Variants in RBM15B observed in about 807,000 individuals in gnomAD.
RBM15B encodes RNA binding motif protein 15B.
Under a neutral mutation model 53.3 loss-of-function variants are expected in RBM15B, and 11 were observed. The observed-to-expected ratio is 0.21, with a 90% CI of 0.13 to 0.34. The LOEUF (loss-of-function observed/expected upper bound fraction) is 0.34, where lower values mean the gene tolerates loss of function less well. RBM15B is among the 10% of genes least tolerant of loss of function. RBM15B has a pLI of 1.00. For missense variants in RBM15B, 1,136 were observed against 1,250.3 expected, an observed-to-expected ratio of 0.91 and a Z score of 1.38; for synonymous variants, 631 against 540.7, an observed-to-expected ratio of 1.17 and a Z score of -2.32.
In RBM15B at chr3:51,392,431, G is replaced by A. The variant is rs782199880; in HGVS notation, c.1032G>A (p.Leu344=). 1 of 1,613,956 alleles carries A rather than the reference G, an allele frequency of 6.2e-7. No individual in the cohort carries two copies. Among genetic ancestry groups the A allele is most frequent in the African/African-American group, 1.3e-5 (1 of 74,952 alleles). The change falls in exon 1 of 1, where the codon CTG becomes CTA. Residue 344 remains leucine (L), a synonymous_variant. Transcript: ENST00000563281. The surrounding 1 kb of genome is among the most constrained non-coding windows in gnomAD (Gnocchi z 7.5). Reference sequence around the variant, plus strand: ...CGCGCAACCTCTTCATTGGTAACCTGGACCACAGCGTATCTGAGGTGGAGC... The same window carrying A: ...CGCGCAACCTCTTCATTGGTAACCTAGACCACAGCGTATCTGAGGTGGAGC... ...RATRNLFIGN[L]DHSVSEVELR...
At position 51,395,734 on chromosome 3, in the gene RBM15B, A is replaced by G. The variant is rs2089158307; in HGVS notation, c.*1662A>G. 1 of 413,312 alleles carries G rather than the reference A, an allele frequency of 2.4e-6. No homozygotes were observed. Among genetic ancestry groups the G allele is most frequent in the Admixed American group, 4.4e-5 (1 of 22,728 alleles). The allele number at this position is 413,312 out of a possible 1,614,324, so 25.6% of individuals were successfully genotyped here. ...CACCTGAGATTAGAGGCTGGGGCTC[A>G]CTGCAGGCTGTGGAGAGGTCATGCT... On this transcript the variant is annotated 3_prime_UTR_variant, in exon 1 of 1. Coordinates refer to ENST00000563281, the MANE Select transcript of RBM15B (RefSeq NM_013286.5).
At position 51,396,244 on chromosome 3, in the gene RBM15B, A is replaced by AAGAC. The variant is rs2089194752; in HGVS notation, c.*2174_*2177dup. 3 of 263,370 alleles carry AAGAC rather than the reference A, an allele frequency of 1.1e-5. 1 individual carries two copies. The South Asian group carries it at 5.2e-4, about 46-fold the overall frequency. 16.3% of individuals were successfully genotyped at this position (263,370 alleles called of 1,614,324 possible). ...AACATGCTAGAAAACGTGCCTAGAG[A>AAGAC]AGACACTTCAACCTTTGCCTTATCC... On this transcript the variant is annotated 3_prime_UTR_variant, in exon 1 of 1. Transcript: ENST00000563281.
In RBM15B at chr3:51,392,027, C is replaced by A; in HGVS notation, c.628C>A (p.Arg210Ser). 1 of 1,597,630 alleles carries A rather than the reference C, an allele frequency of 6.3e-7. No individual in the cohort carries two copies. The highest frequency in any genetic ancestry group is 8.5e-7 in the Non-Finnish European group (1 of 1,178,318). ...GGCCCGGCAGCTGCTGCTCTACGAC[C>A]GCCCGCTCAAGGTAGAGCCCGTGTA... ...ALARQLLLYDRPLKVEPVYLR... is the reference protein window; with the variant it reads ...ALARQLLLYDSPLKVEPVYLR... The change falls in exon 1 of 1, where the codon CGC (arginine) becomes AGC (serine). Residue 210 changes from arginine to serine, a missense_variant. By Grantham distance (110) the Arg-to-Ser change is moderately radical (BLOSUM62 -1). Transcript: ENST00000563281. This position sits in a 1 kb window ranked among gnomAD's most constrained non-coding sequence, Gnocchi z 7.5.
In RBM15B at chr3:51,394,864, A is replaced by C. The variant is rs529117279; in HGVS notation, c.*792A>C. On this transcript the variant is annotated 3_prime_UTR_variant, in exon 1 of 1. Coordinates refer to ENST00000563281, the MANE Select transcript of RBM15B (RefSeq NM_013286.5). ...ATGCCAGGGGGTCTCGGGGCCCCTG[A>C]TCTGTCCAGGCTCCTGGTTCGGCCT... The C allele has an allele frequency of 3.0e-5, 5 of 167,084 alleles. No homozygotes were observed. The highest frequency in any genetic ancestry group is 5.9e-5 in the Non-Finnish European group (4 of 68,156). 10.4% of individuals were successfully genotyped at this position (167,084 alleles called of 1,614,324 possible). A position where few individuals can be genotyped will look rare whatever the true frequency, so the allele number is the denominator to read the frequency against.
At position 51,393,503 on chromosome 3, in the gene RBM15B, A is replaced by C. The variant is rs1357348798; in HGVS notation, c.2104A>C (p.Lys702Gln). 4 of 1,614,154 alleles carry C rather than the reference A, an allele frequency of 2.5e-6. No individual in the cohort carries two copies. Among genetic ancestry groups the C allele is most frequent in the Non-Finnish European group, 3.4e-6 (4 of 1,180,020 alleles). Residue 702 changes from lysine to glutamine, a missense_variant, in exon 1 of 1, where the codon AAA becomes CAA. By Grantham distance (53) the Lys-to-Gln change is moderately conservative. Transcript: ENST00000563281. The surrounding 1 kb of genome is among the most constrained non-coding windows in gnomAD (Gnocchi z 5.6). ...CGAGCCCAAGCCTCTGGAAGAGCCA[A>C]AACACGAGACCAAAAAGCTGAAGAA... Reference protein sequence around the residue: ...EAEPKPLEEPKHETKKLKNLS... With the variant: ...EAEPKPLEEPQHETKKLKNLS...
rs782600946 is a variant in RBM15B at position 51,392,808 on chromosome 3, G to A, written c.1409G>A (p.Cys470Tyr). 1.2e-6 allele frequency: 2 copies of A among 1,614,092 alleles called. No individual in the cohort carries two copies. Among genetic ancestry groups the A allele is most frequent in the East Asian group, 2.2e-5 (1 of 44,886 alleles). ...AGCTTGGACGCAGCCCAGGCCGCCTGTGCTAAAATGAGGGGTTTTCCCTTG... is the reference window on the plus strand; with the variant it reads ...AGCTTGGACGCAGCCCAGGCCGCCTATGCTAAAATGAGGGGTTTTCCCTTG... The part of the protein sequence containing the change: ...YESLDAAQAA[C>Y]AKMRGFPLGG... Residue 470 changes from cysteine (C) to tyrosine (Y), a missense_variant, in exon 1 of 1, where the codon TGT (cysteine) becomes TAT (tyrosine). Cys to Tyr is a radical substitution (Grantham distance 194, BLOSUM62 -2). Around this residue, in one of 7 missense-constraint regions of RBM15B, gnomAD observed 578 missense variants for 581.6 expected, o/e 0.99. Coordinates refer to ENST00000563281, the MANE Select transcript of RBM15B (RefSeq NM_013286.5). The surrounding 1 kb of genome is among the most constrained non-coding windows in gnomAD (Gnocchi z 7.5).
At position 51,395,170 on chromosome 3, in the gene RBM15B, A is replaced by AG. The variant is rs1457553158; in HGVS notation, c.*1102dup. On this transcript the variant is annotated 3_prime_UTR_variant, in exon 1 of 1. Transcript: ENST00000563281. ...TACTTACCGGGGAGCACAGTGGACTAGGGGATGCCCTTGATAATGACGGTT... is the reference window on the plus strand; with the variant it reads ...TACTTACCGGGGAGCACAGTGGACTAGGGGGATGCCCTTGATAATGACGGTT... 6.0e-6 allele frequency: 1 copy of AG among 167,254 alleles called. No homozygotes were observed. Among genetic ancestry groups the AG allele is most frequent in the Non-Finnish European group, 1.5e-5 (1 of 68,264 alleles). 10.4% of individuals were successfully genotyped at this position (167,254 alleles called of 1,614,324 possible).
At position 51,392,017 on chromosome 3, in the gene RBM15B, G is replaced by T; in HGVS notation, c.618G>T (p.Leu206=). The T allele has an allele frequency of 6.3e-7, 1 of 1,598,130 alleles. No homozygotes were observed. Among genetic ancestry groups the T allele is most frequent in the African/African-American group, 1.3e-5 (1 of 74,356 alleles). ...AGCACGCCCTGGCCCGGCAGCTGCT[G>T]CTCTACGACCGCCCGCTCAAGGTAG... is the stretch of plus-strand genomic sequence containing the variant. ...ARQHALARQL[L]LYDRPLKVEP... Residue 206 remains leucine (L), a synonymous_variant, in exon 1 of 1, where the codon CTG becomes CTT. Coordinates refer to ENST00000563281, the MANE Select transcript of RBM15B (RefSeq NM_013286.5). The surrounding 1 kb of genome is among the most constrained non-coding windows in gnomAD (Gnocchi z 7.5).
In RBM15B at chr3:51,391,325, C is replaced by T. The variant is rs2089032400; in HGVS notation, c.-75C>T. 3.5e-6 allele frequency: 4 copies of T among 1,141,978 alleles called. No individual in the cohort carries two copies. Among genetic ancestry groups the T allele is most frequent in the East Asian group, 4.0e-5 (1 of 24,912 alleles). 70.7% of individuals were successfully genotyped at this position (1,141,978 alleles called of 1,614,324 possible). On this transcript the variant is annotated 5_prime_UTR_variant, in exon 1 of 1. Coordinates refer to ENST00000563281, the MANE Select transcript of RBM15B (RefSeq NM_013286.5). The surrounding 1 kb of genome is among the most constrained non-coding windows in gnomAD (Gnocchi z 4.5). ...GTCCAAGATGGCGGCGCCGGGGGCGCTGCCTCCTCGGCCGCCGCCTCCGCC... is the reference window on the plus strand; with the variant it reads ...GTCCAAGATGGCGGCGCCGGGGGCGTTGCCTCCTCGGCCGCCGCCTCCGCC...
At position 51,391,502 on chromosome 3, in the gene RBM15B, C is replaced by A; in HGVS notation, c.103C>A (p.Arg35=). ...EREREAEAGG[R]RAAHKASGGA... is the part of the protein sequence containing the mutation. ...CGAACGGGAGGCGGAGGCGGGCGGGCGGCGGGCGGCGCACAAGGCCTCTGG... is the reference window on the plus strand; with the variant it reads ...CGAACGGGAGGCGGAGGCGGGCGGGAGGCGGGCGGCGCACAAGGCCTCTGG... Residue 35 remains arginine, a synonymous_variant, in exon 1 of 1, where the codon CGG becomes AGG. Transcript: ENST00000563281. The surrounding 1 kb of genome is among the most constrained non-coding windows in gnomAD (Gnocchi z 4.5). 8.3e-7 allele frequency: 1 copy of A among 1,207,396 alleles called. No individual in the cohort carries two copies. The highest frequency in any genetic ancestry group is 1.0e-6 in the Non-Finnish European group (1 of 973,164). 74.8% of individuals were successfully genotyped at this position (1,207,396 alleles called of 1,614,324 possible). A position where few individuals can be genotyped will look rare whatever the true frequency, so the allele number is the denominator to read the frequency against.
rs192010727 is a variant in RBM15B, at chr3:51,395,758, C to G, written c.*1686C>G. 816 of 413,464 alleles carry G rather than the reference C, an allele frequency of 2.0e-3. 3 individuals carry two copies. The highest frequency in any genetic ancestry group is 1.6e-3 in the Non-Finnish European group (373 of 226,148). 25.6% of individuals were successfully genotyped at this position (413,464 alleles called of 1,614,324 possible). On this transcript the variant is annotated 3_prime_UTR_variant, in exon 1 of 1. Transcript: ENST00000563281. ...CACTGCAGGCTGTGGAGAGGTCATGCTGGTCCACAGGAACACTTGGCAGTG... is the reference window on the plus strand; with the variant it reads ...CACTGCAGGCTGTGGAGAGGTCATGGTGGTCCACAGGAACACTTGGCAGTG...
Position 51,394,336 on chromosome 3 carries a change from A to G in RBM15B, c.*264A>G, listed in dbSNP as rs11540366. On this transcript the variant is annotated 3_prime_UTR_variant, in exon 1 of 1. Coordinates refer to ENST00000563281, the MANE Select transcript of RBM15B (RefSeq NM_013286.5). ...GTCTGCTGTGGTTCTGTATTTTTTT[A>G]TTTTTTGACCAACTGTATGGAAAGT... 3 of 389,336 alleles carry G rather than the reference A, an allele frequency of 7.7e-6. No individual in the cohort carries two copies. Among genetic ancestry groups the G allele is most frequent in the Non-Finnish European group, 1.3e-5 (3 of 227,882 alleles). 24.1% of individuals were successfully genotyped at this position (389,336 alleles called of 1,614,324 possible).
Position 51,394,969 on chromosome 3 carries a change from C to CAAAT in RBM15B, c.*899_*902dup. The CAAAT allele has an allele frequency of 6.0e-6, 1 of 167,254 alleles. No individual in the cohort carries two copies. 10.4% of individuals were successfully genotyped at this position (167,254 alleles called of 1,614,324 possible). A position where few individuals can be genotyped will look rare whatever the true frequency, so the allele number is the denominator to read the frequency against. On this transcript the variant is annotated 3_prime_UTR_variant, in exon 1 of 1. Transcript: ENST00000563281. The stretch of plus-strand genomic sequence containing the variant: ...TCAGGTTCCCAGGGGCCCGGGAGTC[C>CAAAT]AAATACTGGAATGGAGGGTTGGAGG...
chr3:51,394,147 C>A lies in RBM15B; in HGVS notation c.*75C>A. The A allele has an allele frequency of 7.5e-7, 1 of 1,325,596 alleles. No homozygotes were observed. The highest frequency in any genetic ancestry group is 2.9e-5 in the South Asian group (1 of 34,442). 82.1% of individuals were successfully genotyped at this position (1,325,596 alleles called of 1,614,324 possible). A position where few individuals can be genotyped will look rare whatever the true frequency, so the allele number is the denominator to read the frequency against. On this transcript the variant is annotated 3_prime_UTR_variant, in exon 1 of 1. Coordinates refer to ENST00000563281, the MANE Select transcript of RBM15B (RefSeq NM_013286.5). ...TTTAAAATCTGATCCCCTCTCTACC[C>A]TACCACTTTGGTTTGAATTATCTCC... is the stretch of plus-strand genomic sequence containing the variant.
chr3:51,393,538 G>A lies in RBM15B; in HGVS notation c.2139G>A (p.Glu713=), dbSNP rs1553621993. The A allele has an allele frequency of 1.9e-6, 3 of 1,614,200 alleles. No individual in the cohort carries two copies. Among genetic ancestry groups the A allele is most frequent in the Non-Finnish European group, 2.5e-6 (3 of 1,180,040 alleles). ...CCAAAAAGCTGAAGAATCTTTCAGA[G>A]TACGCTCAGACACTACAGCTGGGTT... ...HETKKLKNLS[E]YAQTLQLGWN... is the part of the protein sequence containing the mutation. Residue 713 remains glutamate (E), a synonymous_variant, in exon 1 of 1, where the codon GAG becomes GAA. Transcript: ENST00000563281. This position sits in a 1 kb window ranked among gnomAD's most constrained non-coding sequence, Gnocchi z 5.6.
At position 51,394,935 on chromosome 3, in the gene RBM15B, A is replaced by AGAG. The variant is rs1553622335; in HGVS notation, c.*864_*866dup. On this transcript the variant is annotated 3_prime_UTR_variant, in exon 1 of 1. Transcript: ENST00000563281. ...CCAGGGATAGCCAGTGTTGGGAGAC[A>AGAG]GAGTTGCCTCAGGTTCCCAGGGGCC... The AGAG allele has an allele frequency of 1.2e-5, 2 of 167,258 alleles. No homozygotes were observed. Among genetic ancestry groups the AGAG allele is most frequent in the African/African-American group, 4.8e-5 (2 of 41,466 alleles). The allele number at this position is 167,258 out of a possible 1,614,324, so 10.4% of individuals were successfully genotyped here.
chr3:51,392,253 C>G lies in RBM15B; in HGVS notation c.854C>G (p.Ala285Gly), dbSNP rs1553621719. 6.3e-7 allele frequency: 1 copy of G among 1,595,016 alleles called. No homozygotes were observed. Among genetic ancestry groups the G allele is most frequent in the East Asian group, 2.3e-5 (1 of 44,360 alleles). Reference protein sequence around the residue: ...REPRARHAAAAFALDAAAAAA... With the variant: ...REPRARHAAAGFALDAAAAAA... ...CCCCGTGCCCGTCACGCCGCCGCAG[C>G]CTTCGCCCTGGATGCCGCTGCTGCC... The change falls in exon 1 of 1, where the codon GCC becomes GGC. Residue 285 changes from alanine to glycine, a missense_variant. Physicochemically the swap from Ala to Gly is moderately conservative, Grantham distance 60. This residue lies in a region of RBM15B where 204 missense variants were observed against 196.8 expected (regional missense o/e 1.04). Coordinates refer to ENST00000563281, the MANE Select transcript of RBM15B (RefSeq NM_013286.5). The surrounding 1 kb of genome is among the most constrained non-coding windows in gnomAD (Gnocchi z 7.5).
At position 51,393,406 on chromosome 3, in the gene RBM15B, C is replaced by A. The variant is rs2106642019; in HGVS notation, c.2007C>A (p.His669Gln). The stretch of plus-strand genomic sequence containing the variant: ...AGGAACGGGGCCACCACCACCACCA[C>A]CACGAGGCTGCAGACTCTTCCCACG... The part of the protein sequence containing the change: ...GAEERGHHHH[H>Q]HEAADSSHGK... Residue 669 changes from histidine to glutamine, a missense_variant, in exon 1 of 1, where the codon CAC (histidine) becomes CAA (glutamine). Physicochemically the swap from His to Gln is conservative, Grantham distance 24. Coordinates refer to ENST00000563281, the MANE Select transcript of RBM15B (RefSeq NM_013286.5). The surrounding 1 kb of genome is among the most constrained non-coding windows in gnomAD (Gnocchi z 5.6). The A allele has an allele frequency of 6.2e-7, 1 of 1,613,728 alleles. No homozygotes were observed. The highest frequency in any genetic ancestry group is 8.5e-7 in the Non-Finnish European group (1 of 1,179,942).
In RBM15B at chr3:51,391,825, C is replaced by T. The variant is rs782279204; in HGVS notation, c.426C>T (p.Leu142=). 7 of 1,601,646 alleles carry T rather than the reference C, an allele frequency of 4.4e-6. No individual in the cohort carries two copies. The African/African-American group carries it at 8.0e-5, about 18-fold the overall frequency. The change falls in exon 1 of 1, where the codon CTC becomes CTT. Residue 142 remains leucine (L), a synonymous_variant. Coordinates refer to ENST00000563281, the MANE Select transcript of RBM15B (RefSeq NM_013286.5). The surrounding 1 kb of genome is among the most constrained non-coding windows in gnomAD (Gnocchi z 4.5). ...CCGCGCCTGAGTACAAGACGTTGCTCATCAGCAGCTTGAGCCCCGCGCTGC... is the reference window on the plus strand; with the variant it reads ...CCGCGCCTGAGTACAAGACGTTGCTTATCAGCAGCTTGAGCCCCGCGCTGC... The part of the protein sequence containing the change: ...SAAAPEYKTL[L]ISSLSPALPA...
Sources: allele counts gnomAD v4.1 joint callset, GRCh38; gene constraint gnomAD v4.1.1; regional missense constraint gnomAD v4.1.1; non-coding constraint Gnocchi (gnomAD v3.1); transcripts MANE v1.5; gene names NCBI Gene and HGNC (gene_info 2026-07-23, HGNC 2026-07-21).